GALNT17: variants seen among roughly 807,000 people sequenced by gnomAD.
GALNT17 encodes the protein UDP-GalNAc:polypeptide N-acetylgalactosaminyltransferase-like 3.
Under a neutral mutation model 63.7 loss-of-function variants are expected in GALNT17, and 29 were observed. The ratio of observed to expected loss-of-function variants is 0.46; its 90% confidence interval spans 0.34 to 0.62. The LOEUF (loss-of-function observed/expected upper bound fraction) is 0.62. GALNT17 is among the 20% of genes least tolerant of loss of function. The pLI is 0.01. For missense variants in GALNT17, 603 were observed against 799.6 expected (o/e 0.75, Z 2.97); for synonymous variants, 305 against 318.3 (o/e 0.96, Z 0.45).
intron 5 of GALNT17, among the ~76,000 whole-genome samples, chr7:71,486,356 A>G: frequency 7.6e-6 from 1 of 132,314 alleles, no homozygotes; most frequent in South Asian, 2.4e-4. Flanking sequence ...TAATAATAAT[A>G]ATAATAATAA....
intron 9 of GALNT17, among the ~76,000 whole-genome samples, chr7:71,697,780 A>G (rs1791566238): frequency 6.6e-6 from 1 of 152,202 alleles, no homozygotes; most frequent in Non-Finnish European, 1.5e-5. Flanking sequence ...CAGATTTTAG[A>G]TAAACTATAA....
chr7:71,445,367 T>G (rs944371551), intron 5 of GALNT17, among the ~76,000 whole-genome samples: 42 of 151,544 alleles, frequency 2.8e-4, no homozygotes, highest in Admixed American at 8.6e-4. Flanking sequence ...TTGTTTGTTT[T>G]TTTTTTTTAA....
chr7:71,615,571 G>A (rs933880062), intron 6 of GALNT17, among the ~76,000 whole-genome samples: 4 of 149,746 alleles, frequency 2.7e-5, no homozygotes, highest in African/African-American at 7.4e-5. Context: ...CTGCCTCCTG[G>A]GCTCAAAGGA....
At chr7:71,432,976 A>T (rs931667709) in intron 5 of GALNT17, among the ~76,000 whole-genome samples, 1 of 151,932 alleles carries the variant, frequency 6.6e-6, no homozygotes, top group Non-Finnish European at 1.5e-5. Flanking sequence ...CACCTGGCTA[A>T]TTTTTTGTAT....
chr7:71,449,113 T>C (rs980158901), intron 5 of GALNT17, among the ~76,000 whole-genome samples: 1 of 119,192 alleles, frequency 8.4e-6, no homozygotes, highest in South Asian at 3.1e-4. Context: ...ATTTTCTTTT[T>C]TTTTTTTTTT....
chr7:71,644,546 A>AAAAAAAAAAAAAAAAAAAAAAC (rs1790648470), intron 6 of GALNT17, among the ~76,000 whole-genome samples: 1 of 100,214 alleles, frequency 1.0e-5, no homozygotes, highest in Non-Finnish European at 1.9e-5. Context: ...AAAAAAAAAA[A>AAAAAAAAAAAAAAAAAAAAAAC]AAACAAAAGA....
chr7:71,225,346 C>T (rs1231662981), intron 1 of GALNT17, among the ~76,000 whole-genome samples: 1 of 152,240 alleles, frequency 6.6e-6, no homozygotes, highest in African/African-American at 2.4e-5. Flanking sequence ...ATTATTATAT[C>T]TGAGTCGATC....
intron 3 of GALNT17, among the ~76,000 whole-genome samples, chr7:71,392,190 A>G (rs553156312): frequency 1.3e-5 from 2 of 152,328 alleles, no homozygotes; most frequent in African/African-American, 4.8e-5. Context: ...AACATCTTCA[A>G]GTAGATGGGT....
intron 1 of GALNT17, among the ~76,000 whole-genome samples, chr7:71,191,145 CCA>C (rs932322701): frequency 1.3e-5 from 2 of 152,094 alleles, no homozygotes; most frequent in African/African-American, 4.8e-5. Context: ...TTTATGTAAC[CCA>C]CAGTCTACCA....
intron 6 of GALNT17, among the ~76,000 whole-genome samples, chr7:71,658,366 G>A (rs1790860154): frequency 6.6e-6 from 1 of 152,160 alleles, no homozygotes; most frequent in South Asian, 2.1e-4. Context: ...CAGGACATCA[G>A]CTGTCAGGAA....
At chr7:71,479,372 T>C (rs911012254) in intron 5 of GALNT17, among the ~76,000 whole-genome samples, 5 of 152,176 alleles carry the variant, frequency 3.3e-5, no homozygotes, top group African/African-American at 9.7e-5. Flanking sequence ...TCAGGTAGGC[T>C]CTGCCTTAAC....
chr7:71,359,942 G>A (rs1002577689), intron 2 of GALNT17, among the ~76,000 whole-genome samples: 4 of 152,252 alleles, frequency 2.6e-5, no homozygotes, highest in Non-Finnish European at 4.4e-5. Context: ...TGGTCTCCAC[G>A]ATCTCCCCAC....
At chr7:71,210,415 G>A (rs1789354566) in intron 1 of GALNT17, among the ~76,000 whole-genome samples, 1 of 152,162 alleles carries the variant, frequency 6.6e-6, no homozygotes, top group Non-Finnish European at 1.5e-5. Flanking sequence ...AGGATTACAG[G>A]CATGAGTCAC....
intron 1 of GALNT17, among the ~76,000 whole-genome samples, chr7:71,180,432 G>GT (rs936871522): frequency 2.6e-5 from 4 of 152,216 alleles, no homozygotes; most frequent in African/African-American, 9.6e-5. Context: ...CAGCTAATGA[G>GT]TTTTTGAGTT....
chr7:71,633,487 T>C (rs1790486263), intron 6 of GALNT17, among the ~76,000 whole-genome samples: 3 of 152,200 alleles, frequency 2.0e-5, no homozygotes, highest in Admixed American at 2.0e-4. Context: ...AAACTTCTTT[T>C]ACCAGGCAGG....
intron 1 of GALNT17, among the ~76,000 whole-genome samples, chr7:71,154,752 A>G (rs1194259777): frequency 6.6e-5 from 10 of 151,526 alleles, no homozygotes; most frequent in Non-Finnish European, 1.5e-5. Flanking sequence ...AATTTTTTGT[A>G]TTTTTAGTAG....
At position 71,169,471 on chromosome 7, in the gene GALNT17, G is replaced by T. The variant is rs1788505543; in HGVS notation, c.238+36431G>T. 2.0e-5 allele frequency among the ~76,000 whole-genome samples: 3 copies of T among 152,196 alleles called. No homozygotes were observed. In the South Asian group the frequency reaches 6.2e-4, roughly 31 times the overall value. ...TCAGTGGTTTCAGCGGGAAAAGCCA[G>T]TGTGGTCTCTGTTTCTCCGTCTTGG... On this transcript the variant is annotated intron_variant, in intron 1 of 10. Coordinates refer to ENST00000333538, the MANE Select transcript of GALNT17 (RefSeq NM_022479.3).
At chr7:71,525,555 G>A (rs908608349) in intron 5 of GALNT17, among the ~76,000 whole-genome samples, 4 of 151,690 alleles carry the variant, frequency 2.6e-5, no homozygotes, top group Admixed American at 6.6e-5. Context: ...ATGGTTTTAT[G>A]AGGGGCTTCT....
At chr7:71,512,996 G>A (rs988752114) in intron 5 of GALNT17, among the ~76,000 whole-genome samples, 1 of 152,178 alleles carries the variant, frequency 6.6e-6, no homozygotes, top group African/African-American at 2.4e-5. Context: ...GCATTTCTGT[G>A]CAATTAAAAC....
Sources: allele counts gnomAD v4.1 joint callset (sites outside exome capture counted in the v4.1 genomes callset), GRCh38; gene constraint gnomAD v4.1.1; transcripts MANE v1.5; gene names NCBI Gene and HGNC (gene_info 2026-07-23, HGNC 2026-07-21).